SMYD3: variants seen among roughly 807,000 people sequenced by gnomAD.
The protein encoded by SMYD3 is SET and MYND domain containing 3, also known as histone-lysine N-methyltransferase SMYD3.
A neutral mutation model predicts 57.7 loss-of-function variants in SMYD3; 36 were observed. That is an observed-to-expected ratio of 0.62 (90% CI 0.48 to 0.82). SMYD3 has a LOEUF of 0.82. Ranked by LOEUF, SMYD3 falls within the 40% of genes least tolerant of loss-of-function variation. The pLI, the probability that SMYD3 is intolerant of heterozygous loss-of-function variation, is 0.00. For synonymous variants in SMYD3, 211 were observed against 195.0 expected (o/e 1.08, Z -0.68); for missense variants, 515 against 538.8 (o/e 0.96, Z 0.44).
intron 5 of SMYD3, among the ~76,000 whole-genome samples, chr1:246,030,064 T>C (rs2059644996): frequency 6.6e-6 from 1 of 150,978 alleles, no homozygotes. Flanking sequence ...ACACCCCCAA[T>C]GCGTATTGCA....
At chr1:245,788,703 C>G (rs1186348169) in intron 10 of SMYD3, among the ~76,000 whole-genome samples, 5 of 152,186 alleles carry the variant, frequency 3.3e-5, no homozygotes, top group Non-Finnish European at 4.4e-5. Flanking sequence ...TTCCTGAGGT[C>G]TGCTTCCTAG....
intron 5 of SMYD3, among the ~76,000 whole-genome samples, chr1:246,078,746 A>T (rs1207474695): frequency 1.3e-5 from 2 of 152,332 alleles, no homozygotes; most frequent in Non-Finnish European, 2.9e-5. Context: ...AAAAACACCT[A>T]GCTAAAAGAG....
intron 5 of SMYD3, among the ~76,000 whole-genome samples, chr1:245,933,055 T>C (rs1474743751): frequency 1.3e-5 from 2 of 152,006 alleles, no homozygotes; most frequent in Non-Finnish European, 2.9e-5. Flanking sequence ...GCTCTCTGGC[T>C]TTTTTTTAGT....
At chr1:246,097,492 G>A (rs1177726710) in intron 5 of SMYD3, among the ~76,000 whole-genome samples, 1 of 152,066 alleles carries the variant, frequency 6.6e-6, no homozygotes. Flanking sequence ...GCCAATATGC[G>A]TATACGAACT....
rs571269028 is a variant in SMYD3 at position 245,774,398 on chromosome 1, A to C, written c.1077-10249T>G. ...ACAAGCAGTTGCAGAGTGGAAGCTGAAAGAAAGCCAGTGGAATGACATCTT... is the reference window on the plus strand; with the variant it reads ...ACAAGCAGTTGCAGAGTGGAAGCTGCAAGAAAGCCAGTGGAATGACATCTT... On this transcript the variant is annotated intron_variant, in intron 10 of 11. Coordinates refer to ENST00000490107, the MANE Select transcript of SMYD3 (RefSeq NM_001167740.2). Among the ~76,000 whole-genome samples the C allele has an allele frequency of 1.1e-3, 169 of 152,328 alleles. 1 individual carries two copies. The highest frequency in any genetic ancestry group is 3.8e-3 in the African/African-American group (159 of 41,570).
At chr1:246,312,130 G>T (rs140857407) in intron 5 of SMYD3, among the ~76,000 whole-genome samples, 1 of 152,258 alleles carries the variant, frequency 6.6e-6, no homozygotes, top group Non-Finnish European at 1.5e-5. Flanking sequence ...CAAGCTGCTT[G>T]CAGTCTATGC....
At position 246,097,153 on chromosome 1, in the gene SMYD3, T is replaced by G. The variant is rs1434293974; in HGVS notation, c.532-167216A>C. Among the ~76,000 whole-genome samples the G allele has an allele frequency of 3.9e-5, 6 of 152,320 alleles. No homozygotes were observed. In the East Asian group the frequency reaches 1.2e-3, roughly 29 times the overall value. ...CAGACAAAGAAACGTCATTCTGATC[T>G]CATGTTTTCTCCCCAGGAACAGACT... On this transcript the variant is annotated intron_variant, in intron 5 of 11. Transcript: ENST00000490107.
chr1:246,311,178 T>C (rs2065069806), intron 5 of SMYD3, among the ~76,000 whole-genome samples: 1 of 152,202 alleles, frequency 6.6e-6, no homozygotes, highest in Non-Finnish European at 1.5e-5. Flanking sequence ...GAAAATGCCC[T>C]TCCACTCCAA....
At chr1:245,988,067 C>A (rs1327612682) in intron 5 of SMYD3, among the ~76,000 whole-genome samples, 1 of 151,552 alleles carries the variant, frequency 6.6e-6, no homozygotes, top group Non-Finnish European at 1.5e-5. Context: ...CACTAGGAGG[C>A]AGGTTTGGCT....
chr1:246,225,494 A>G (rs987181636), intron 5 of SMYD3, among the ~76,000 whole-genome samples: 8 of 152,168 alleles, frequency 5.3e-5, no homozygotes, highest in Non-Finnish European at 1.0e-4. Context: ...GGGGAGAAGG[A>G]AGAGACAATA....
At chr1:246,347,064 G>A (rs985032735) in intron 2 of SMYD3, among the ~76,000 whole-genome samples, 1 of 152,028 alleles carries the variant, frequency 6.6e-6, no homozygotes, top group Non-Finnish European at 1.5e-5. Context: ...CAGACTGGAC[G>A]TAGCTGGAGA....
At chr1:246,288,453 C>T (rs1212017811) in intron 5 of SMYD3, among the ~76,000 whole-genome samples, 1 of 152,122 alleles carries the variant, frequency 6.6e-6, no homozygotes, top group Non-Finnish European at 1.5e-5. Flanking sequence ...GTATGTTATG[C>T]AGTGGATCCT....
chr1:245,968,539 G>C (rs2058213493), intron 5 of SMYD3, among the ~76,000 whole-genome samples: 1 of 152,208 alleles, frequency 6.6e-6, no homozygotes. Context: ...AGGAAATTCA[G>C]TGTACGAGTA....
At chr1:245,847,031 C>T (rs897677331) in intron 10 of SMYD3, among the ~76,000 whole-genome samples, 5 of 152,226 alleles carry the variant, frequency 3.3e-5, no homozygotes, top group African/African-American at 1.2e-4. Context: ...TGCTCTCTCC[C>T]TGTTCAAAGG....
intron 5 of SMYD3, chr1:246,326,979 C>T: frequency 1.8e-6 from 1 of 554,880 alleles, no homozygotes; most frequent in East Asian, 3.1e-5. Flanking sequence ...AATGAACATA[C>T]TCAGGCAATA....
At chr1:246,332,867 T>C (rs1159417420) in intron 3 of SMYD3, among the ~76,000 whole-genome samples, 1 of 152,222 alleles carries the variant, frequency 6.6e-6, no homozygotes, top group Non-Finnish European at 1.5e-5. Flanking sequence ...AGTGCTGATA[T>C]AGAAGCTACA....
rs561759702 is a variant in SMYD3 at position 246,002,346 on chromosome 1, G to A, written c.532-72409C>T. On this transcript the variant is annotated intron_variant, in intron 5 of 11. Coordinates refer to ENST00000490107, the MANE Select transcript of SMYD3 (RefSeq NM_001167740.2). ...ACTGCAGGCTCCCGCCACCACGCCCGGCTAATTTTTTGTATTTTTAGTAGA... is the reference window on the plus strand; with the variant it reads ...ACTGCAGGCTCCCGCCACCACGCCCAGCTAATTTTTTGTATTTTTAGTAGA... 2.0e-4 allele frequency among the ~76,000 whole-genome samples: 13 copies of A among 64,584 alleles called. 4 individuals are homozygous for A. The highest frequency in any genetic ancestry group is 5.9e-4 in the Admixed American group (3 of 5,062). The allele number at this position is 64,584 out of a possible 152,430, so 42.4% of individuals were successfully genotyped here.
At position 245,755,781 on chromosome 1, in the gene SMYD3, A is replaced by C. The variant is rs183300203; in HGVS notation, c.1186-6117T>G. Among the ~76,000 whole-genome samples, 928 of 152,146 alleles carry C rather than the reference A, an allele frequency of 6.1e-3. 14 individuals are homozygous for C. The highest frequency in any genetic ancestry group is 0.021 in the African/African-American group (888 of 41,510). ...GCTTTCAACCTATTTGTATCATTCT[A>C]TTTAAAAAGAATTCTTACAGACAAC... On this transcript the variant is annotated intron_variant, in intron 11 of 11. Transcript: ENST00000490107.
chr1:245,886,596 G>T (rs1452712561), intron 8 of SMYD3, among the ~76,000 whole-genome samples: 1 of 152,188 alleles, frequency 6.6e-6, no homozygotes, highest in South Asian at 2.1e-4. Context: ...GGTATTAATC[G>T]AACCCAAAAG....
Sources: gnomAD v4.1 joint callset for allele counts (sites outside exome capture counted in the v4.1 genomes callset) on GRCh38, gnomAD v4.1.1 for gene constraint, MANE v1.5 for transcripts, NCBI Gene and HGNC (gene_info 2026-07-23, HGNC 2026-07-21) for gene names.